C22orf42: variants seen among roughly 807,000 people sequenced by gnomAD.
C22orf42 encodes chromosome 22 open reading frame 42.
In C22orf42, 24 loss-of-function variants were observed where a neutral mutation model predicts 31.4. That is an observed-to-expected ratio of 0.77 (90% CI 0.55 to 1.08). C22orf42 has a LOEUF of 1.08. C22orf42 is among the 50% of genes least tolerant of loss of function. C22orf42 has a pLI of 0.00. For missense variants in C22orf42, 276 were observed against 327.3 expected (o/e 0.84, Z 1.21); for synonymous variants, 96 against 112.7 (o/e 0.85, Z 0.94).
chr22:32,150,403 T>C lies in C22orf42; in HGVS notation c.570A>G (p.Leu190=), dbSNP rs755677867. 6.2e-7 allele frequency: 1 copy of C among 1,614,088 alleles called. No homozygotes were observed. The highest frequency in any genetic ancestry group is 2.2e-5 in the East Asian group (1 of 44,882). Residue 190 remains leucine, a synonymous_variant, in exon 7 of 9, where the codon CTA becomes CTG. Transcript: ENST00000382097. ...DFMTSDLSES[L]SVSLEDFMTS... The stretch of plus-strand genomic sequence containing the variant: ...TCATGAAGTCTTCAAGAGAGACAGA[T>C]AGGCTTTCACTGAGATCCGATGTCA...
At chr22:32,154,999 C>T (rs1921186741) in intron 1 of C22orf42, among the ~76,000 whole-genome samples, 1 of 152,178 alleles carries the variant, frequency 6.6e-6, no homozygotes, top group South Asian at 2.1e-4. Context: ...GAGGGACAGG[C>T]AGAGCAGGGG....
At chr22:32,151,629 G>A (rs541124274) in intron 4 of C22orf42, 78 bp from the exon 5 acceptor site, 55 of 1,434,658 alleles carry the variant, frequency 3.8e-5, no homozygotes, top group East Asian at 1.8e-4. Context: ...GATGTGGACC[G>A]GGGCTGGAGT....
intron 8 of C22orf42, 37 bp from the exon 9 acceptor site, chr22:32,149,650 A>ATAT (rs776311321): frequency 4.9e-5 from 58 of 1,191,400 alleles, no homozygotes; most frequent in African/African-American, 3.6e-4. Flanking sequence ...TCAAAAAAAA[A>ATAT]ATATATATAT....
At position 32,150,640 on chromosome 22, in the gene C22orf42, AAGG is replaced by A. The variant is rs1319593057; in HGVS notation, c.494-164_494-162del. On this transcript the variant is annotated intron_variant, in intron 6 of 8. Coordinates refer to ENST00000382097, the MANE Select transcript of C22orf42 (RefSeq NM_001010859.3). Reference sequence around the variant, plus strand: ...TTCTCCTTGGTGCTGAAGGAAGGCAAAGGAGAAGGGCAGAAAGAAATGAAAGAG... The same window carrying A: ...TTCTCCTTGGTGCTGAAGGAAGGCAAAGAAGGGCAGAAAGAAATGAAAGAG... The A allele has an allele frequency of 2.0e-5, 14 of 694,260 alleles. No homozygotes were observed. In the African/African-American group the frequency reaches 2.3e-4, roughly 12 times the overall value. The allele number at this position is 694,260 out of a possible 1,614,324, so 43.0% of individuals were successfully genotyped here.
Position 32,149,872 on chromosome 22 carries a change from A to G in C22orf42, c.655-92T>C, listed in dbSNP as rs926648280. On this transcript the variant is annotated intron_variant, in intron 7 of 8. Transcript: ENST00000382097. The stretch of plus-strand genomic sequence containing the variant: ...TTATTCACTTGGTGACGTAGAAAAC[A>G]ACATGTCAAACAGTGATCAAGTCAC... The G allele has an allele frequency of 1.2e-5, 12 of 1,008,278 alleles. 1 individual carries two copies. Among genetic ancestry groups the G allele is most frequent in the Admixed American group, 5.5e-5 (2 of 36,518 alleles). 62.5% of individuals were successfully genotyped at this position (1,008,278 alleles called of 1,614,324 possible).
chr22:32,150,162 C>T (rs2094110057), intron 7 of C22orf42, among the ~76,000 whole-genome samples, 157 bp downstream of exon 7: 1 of 152,042 alleles, frequency 6.6e-6, no homozygotes, highest in Non-Finnish European at 1.5e-5. Flanking sequence ...TGGACGATGG[C>T]AATCGAATAT....
intron 1 of C22orf42, among the ~76,000 whole-genome samples, chr22:32,158,622 A>G (rs1355207694): frequency 6.6e-6 from 1 of 152,222 alleles, no homozygotes; most frequent in Non-Finnish European, 1.5e-5. Context: ...ATTATTAGCT[A>G]CCTTAAGGAA....
chr22:32,158,923 G>T, intron 1 of C22orf42, 61 bp downstream of exon 1: 4 of 1,573,172 alleles, frequency 2.5e-6, no homozygotes, highest in Non-Finnish European at 3.5e-6. Flanking sequence ...ACTGCAAAGG[G>T]GTGGGGGCGG....
At chr22:32,152,504 T>A in intron 3 of C22orf42, 58 bp downstream of exon 3, 1 of 1,424,300 alleles carries the variant, frequency 7.0e-7, no homozygotes. Context: ...CTTGATATTC[T>A]AGAAGCCCCA....
At chr22:32,151,969 G>A (rs1920992536) in intron 4 of C22orf42, 98 bp downstream of exon 4, 4 of 1,241,624 alleles carry the variant, frequency 3.2e-6, no homozygotes, top group East Asian at 4.8e-5. Flanking sequence ...ACAACCCTGT[G>A]AATATAGTAA....
intron 7 of C22orf42, 23 bp downstream of exon 7, chr22:32,150,296 C>A: frequency 6.2e-7 from 1 of 1,607,596 alleles, no homozygotes; most frequent in Non-Finnish European, 8.5e-7. Flanking sequence ...CATTTCTCTT[C>A]CAGACAAAGA....
chr22:32,156,905 A>C (rs1460235332), intron 1 of C22orf42, among the ~76,000 whole-genome samples: 7 of 152,230 alleles, frequency 4.6e-5, no homozygotes, highest in South Asian at 2.1e-4. Flanking sequence ...TGCAATTGTG[A>C]CAAATTCCCC....
At chr22:32,156,685 C>T (rs1569335934) in intron 1 of C22orf42, among the ~76,000 whole-genome samples, 2 of 139,622 alleles carry the variant, frequency 1.4e-5, no homozygotes, top group Admixed American at 7.4e-5. Context: ...AGTAAAATGA[C>T]ATCTTACCCT....
chr22:32,152,781 G>C (rs568160639), intron 2 of C22orf42, among the ~76,000 whole-genome samples, 155 bp from the exon 3 acceptor site: 62 of 152,312 alleles, frequency 4.1e-4, no homozygotes, highest in African/African-American at 1.4e-3. Context: ...TGGTGTTGAG[G>C]GAAGGCAAAG....
intron 3 of C22orf42, among the ~76,000 whole-genome samples, 155 bp from the exon 4 acceptor site, chr22:32,152,249 G>A (rs1921005212): frequency 6.6e-6 from 1 of 152,154 alleles, no homozygotes; most frequent in Admixed American, 6.5e-5. Context: ...GGATGCTTGT[G>A]GAAAATGCAG....
chr22:32,154,499 T>A (rs1412540040), intron 1 of C22orf42, among the ~76,000 whole-genome samples, 181 bp from the exon 2 acceptor site: 1 of 152,146 alleles, frequency 6.6e-6, no homozygotes, highest in Non-Finnish European at 1.5e-5. Flanking sequence ...TTTGGGTTCT[T>A]GGAAGATTTT....
Position 32,151,497 on chromosome 22 carries a change from G to T in C22orf42, c.455C>A (p.Thr152Lys). 6.2e-7 allele frequency: 1 copy of T among 1,613,524 alleles called. No homozygotes were observed. Among genetic ancestry groups the T allele is most frequent in the Non-Finnish European group, 8.5e-7 (1 of 1,179,454 alleles). The change falls in exon 5 of 9, where the codon ACG becomes AAG. Residue 152 changes from threonine to lysine, a missense_variant. Coordinates refer to ENST00000382097, the MANE Select transcript of C22orf42 (RefSeq NM_001010859.3). ...SAHGGVEENI[T>K]SDIEISEAKH... Reference sequence around the variant, plus strand: ...AGAAATACATCTTACAATATCTGACGTTATATTCTCCTCCACACCGCCGTG... The same window carrying T: ...AGAAATACATCTTACAATATCTGACTTTATATTCTCCTCCACACCGCCGTG...
At chr22:32,152,272 A>G (rs957152734) in intron 3 of C22orf42, among the ~76,000 whole-genome samples, 178 bp from the exon 4 acceptor site, 2 of 152,174 alleles carry the variant, frequency 1.3e-5, no homozygotes, top group African/African-American at 4.8e-5. Context: ...GGTTTTTTGG[A>G]ATATTTAGCA....
chr22:32,151,688 A>G, intron 4 of C22orf42, 137 bp from the exon 5 acceptor site: 1 of 809,914 alleles, frequency 1.2e-6, no homozygotes, highest in Non-Finnish European at 2.1e-6. Context: ...CTGCTGGACC[A>G]TTCTCCTTGG....
Sources: allele counts gnomAD v4.1 joint callset (sites outside exome capture counted in the v4.1 genomes callset), GRCh38; gene constraint gnomAD v4.1.1; transcripts MANE v1.5; gene names NCBI Gene and HGNC (gene_info 2026-07-23, HGNC 2026-07-21).